The following SNX31 variants were observed in gnomAD, a reference collection of about 807,000 sequenced individuals.
SNX31 encodes the protein sorting nexin 31, also known as sorting nexin-31.
In SNX31, 58 loss-of-function variants were observed where a neutral mutation model predicts 65.4. The ratio of observed to expected loss-of-function variants is 0.89; its 90% CI spans 0.72 to 1.10. The LOEUF (loss-of-function observed/expected upper bound fraction) is 1.10. SNX31 is among the 50% of genes least tolerant of loss of function. SNX31 has a pLI of 0.00. For synonymous variants in SNX31, 181 were observed against 190.1 expected (o/e 0.95, Z 0.39); for missense variants, 523 against 529.7 (o/e 0.99, Z 0.12).
chr8:100,578,021 C>T lies in SNX31; in HGVS notation c.1171-946G>A, dbSNP rs1005090134. ...GAGCTTTTTAAAAATCACAAAAAAA[C>T]ACTCAGTGTTTTAAGAAAGTTTATG... On this transcript the variant is annotated intron_variant, in intron 12 of 13. Transcript: ENST00000311812. This position sits in a 1 kb window ranked among gnomAD's most constrained non-coding sequence, Gnocchi z 4.7. Among the ~76,000 whole-genome samples, 4 of 152,170 alleles carry T rather than the reference C, an allele frequency of 2.6e-5. No homozygotes were observed. The highest frequency in any genetic ancestry group is 6.5e-5 in the Admixed American group (1 of 15,276).
intron 2 of SNX31, among the ~76,000 whole-genome samples, chr8:100,646,229 G>A (rs1056471761): frequency 2.6e-5 from 4 of 152,126 alleles, no homozygotes; most frequent in Non-Finnish European, 5.9e-5. Context: ...TGGCCAAATA[G>A]TTGATGGTTT....
At chr8:100,649,422 C>T in intron 1 of SNX31, 27 bp downstream of exon 1, 1 of 1,592,582 alleles carries the variant, frequency 6.3e-7, no homozygotes, top group South Asian at 1.1e-5. Context: ...CCCTCCCTGC[C>T]CACCCTGACC....
intron 8 of SNX31, among the ~76,000 whole-genome samples, chr8:100,600,814 A>T (rs112277903): frequency 1.3e-3 from 194 of 152,314 alleles, no homozygotes; most frequent in African/African-American, 4.2e-3. Flanking sequence ...AAATGTCATA[A>T]TGAAGAAATA....
chr8:100,582,611 A>G (rs1416860491), intron 12 of SNX31: 1 of 152,234 alleles, frequency 6.6e-6, no homozygotes, highest in Non-Finnish European at 1.5e-5. Context: ...AAAAAGCTGG[A>G]AAGTCAAGTA....
intron 1 of SNX31, among the ~76,000 whole-genome samples, chr8:100,659,353 CAAA>C (rs148671568): frequency 0.041 from 2,941 of 71,348 alleles, 48 homozygotes; most frequent in African/African-American, 0.11. Context: ...AACTCCATCA[CAAA>C]AAAAAAAAAA....
At chr8:100,589,376 A>G (rs567605601) in intron 10 of SNX31, among the ~76,000 whole-genome samples, 1 of 152,186 alleles carries the variant, frequency 6.6e-6, no homozygotes, top group Admixed American at 6.5e-5. Flanking sequence ...TATTTCCAAG[A>G]AGGTATCAGT....
intron 2 of SNX31, among the ~76,000 whole-genome samples, chr8:100,636,280 T>G (rs1480572307): frequency 6.6e-6 from 1 of 152,244 alleles, no homozygotes; most frequent in East Asian, 1.9e-4. Context: ...TTATTTTTCA[T>G]TTGTTTTACA....
At position 100,630,723 on chromosome 8, in the gene SNX31, A is replaced by C. The variant is rs1185317522; in HGVS notation, c.257-332T>G. 6.6e-6 allele frequency among the ~76,000 whole-genome samples: 1 copy of C among 152,184 alleles called. No homozygotes were observed. Among genetic ancestry groups the C allele is most frequent in the Non-Finnish European group, 1.5e-5 (1 of 68,030 alleles). On this transcript the variant is annotated intron_variant, in intron 3 of 13. Coordinates refer to ENST00000311812, the MANE Select transcript of SNX31 (RefSeq NM_152628.4). This position sits in a 1 kb window ranked among gnomAD's most constrained non-coding sequence, Gnocchi z 5.3. ...TATGAAGAATCAGAAAGATCTTAAA[A>C]CCTGCATCTAGACTCCCAGCCTAGC... is the stretch of plus-strand genomic sequence containing the variant.
chr8:100,595,001 A>G (rs903443969), intron 10 of SNX31, among the ~76,000 whole-genome samples: 3 of 152,234 alleles, frequency 2.0e-5, no homozygotes, highest in Non-Finnish European at 2.9e-5. Context: ...CAGCAACCTG[A>G]ATGAACTTCC....
intron 10 of SNX31, among the ~76,000 whole-genome samples, chr8:100,593,515 G>A (rs1438836911): frequency 6.6e-6 from 1 of 151,252 alleles, no homozygotes; most frequent in Admixed American, 6.7e-5. Context: ...GTGCAGTGGC[G>A]TGATCTTGGC....
intron 10 of SNX31, among the ~76,000 whole-genome samples, chr8:100,593,234 T>C (rs1316744989): frequency 6.6e-6 from 1 of 152,122 alleles, no homozygotes; most frequent in Admixed American, 6.6e-5. Context: ...CGTGTGATAT[T>C]GGTGGGGGAA....
intron 4 of SNX31, among the ~76,000 whole-genome samples, chr8:100,627,390 A>G (rs1033131041): frequency 6.6e-6 from 1 of 152,182 alleles, no homozygotes. Flanking sequence ...TATACAAAAC[A>G]AAGCTTAACA....
chr8:100,653,544 C>G (rs941267657), upstream of SNX31, among the ~76,000 whole-genome samples: 1 of 152,196 alleles, frequency 6.6e-6, no homozygotes, highest in Admixed American at 6.5e-5. Flanking sequence ...CTTCCAGAAG[C>G]CAAGAAGCGC....
At chr8:100,589,020 G>T in intron 10 of SNX31, 41 bp from the exon 11 acceptor site, 2 of 1,528,194 alleles carry the variant, frequency 1.3e-6, no homozygotes, top group Non-Finnish European at 9.0e-7. Flanking sequence ...AAATTTAAAT[G>T]CCTATTAATT....
Position 100,635,934 on chromosome 8 carries a change from A to T in SNX31, c.219T>A (p.Asp73Glu), listed in dbSNP as rs377079829. ...ATTGTTCCAGTTGGTCCCTCCTCTCATCAGCCATAGCTGTGGTCATTGCCA... is the reference window on the plus strand; with the variant it reads ...ATTGTTCCAGTTGGTCCCTCCTCTCTTCAGCCATAGCTGTGGTCATTGCCA... ...YYLAMTTAMA[D>E]ERRDQLEQYL... Residue 73 changes from aspartate to glutamate, a missense_variant, in exon 3 of 14, where the codon GAT becomes GAA. Transcript: ENST00000311812. 6.2e-7 allele frequency: 1 copy of T among 1,614,028 alleles called. No individual in the cohort carries two copies. The highest frequency in any genetic ancestry group is 1.3e-5 in the African/African-American group (1 of 74,916).
At chr8:100,617,527 A>G in intron 5 of SNX31, 93 bp downstream of exon 5, 1 of 836,764 alleles carries the variant, frequency 1.2e-6, no homozygotes. Flanking sequence ...ACAGGCCAGA[A>G]GCTCCTGGAA....
chr8:100,651,043 G>A (rs1160507263), upstream of SNX31, among the ~76,000 whole-genome samples: 1 of 152,014 alleles, frequency 6.6e-6, no homozygotes, highest in African/African-American at 2.4e-5. Flanking sequence ...GTAGAGACAG[G>A]GTTTCTCCAT....
Position 100,608,552 on chromosome 8 carries a change from G to A in SNX31, c.623C>T (p.Pro208Leu), listed in dbSNP as rs376289991. 54 of 1,613,884 alleles carry A rather than the reference G, an allele frequency of 3.3e-5. No homozygotes were observed. Among genetic ancestry groups the A allele is most frequent in the Non-Finnish European group, 4.5e-5 (53 of 1,179,936 alleles). The change falls in exon 8 of 14, where the codon CCA becomes CTA. Residue 208 changes from proline (P) to leucine (L), a missense_variant. Pro to Leu is a moderately conservative substitution (Grantham distance 98). Coordinates refer to ENST00000311812, the MANE Select transcript of SNX31 (RefSeq NM_152628.4). ...GTCCATCAGCACGGAGTCGAGGGAT[G>A]GAGCCATATACCTGCAAAATTCAGG... ...KVGLRKWYMA[P>L]SLDSVLMDCR...
intron 2 of SNX31, among the ~76,000 whole-genome samples, chr8:100,639,580 CT>C (rs945396514): frequency 8.1e-6 from 1 of 123,238 alleles, no homozygotes; most frequent in African/African-American, 3.2e-5. Flanking sequence ...TGGTAATGCA[CT>C]AGAGTTGAAT....
Sources: gnomAD v4.1 joint callset for allele counts (sites outside exome capture counted in the v4.1 genomes callset) on GRCh38, gnomAD v4.1.1 for gene constraint, Gnocchi (gnomAD v3.1) non-coding constraint, MANE v1.5 for transcripts, NCBI Gene and HGNC (gene_info 2026-07-23, HGNC 2026-07-21) for gene names.